ZNF518B: variants seen among roughly 807,000 people sequenced by gnomAD.
ZNF518B encodes zinc finger protein 518B.
Under a neutral mutation model 56.3 loss-of-function variants are expected in ZNF518B, and 23 were observed. The observed-to-expected ratio is 0.41, with a 90% CI of 0.29 to 0.58. The LOEUF (loss-of-function observed/expected upper bound fraction) is 0.58. ZNF518B is among the 20% of genes least tolerant of loss of function. The pLI, the probability that ZNF518B is intolerant of heterozygous loss-of-function variation, is 0.32. For synonymous variants in ZNF518B, 529 were observed against 465.9 expected (o/e 1.14, Z -1.74); for missense variants, 1,460 against 1,272.1 (o/e 1.15, Z -2.25).
intron 2 of ZNF518B, among the ~76,000 whole-genome samples, chr4:10,447,170 C>CA (rs1033329239): frequency 1.4e-4 from 21 of 152,330 alleles, no homozygotes; most frequent in African/African-American, 4.8e-4. Context: ...TGAATGAAAG[C>CA]AAATCAGTCC....
Position 10,444,833 on chromosome 4 carries a change from C to G in ZNF518B, c.1496G>C (p.Gly499Ala). Residue 499 changes from glycine to alanine, a missense_variant, in exon 3 of 3, where the codon GGA (glycine) becomes GCA (alanine). Gly to Ala is a moderately conservative substitution (Grantham distance 60, BLOSUM62 0). Transcript: ENST00000326756. ...VFKNSVLRSL[G>A]AASNPFPYKA... Reference sequence around the variant, plus strand: ...ATATGGAAAAGGGTTTGATGCAGCTCCAAGACTACGTAAAACACTGTTTTT... The same window carrying G: ...ATATGGAAAAGGGTTTGATGCAGCTGCAAGACTACGTAAAACACTGTTTTT... 6.2e-7 allele frequency: 1 copy of G among 1,613,994 alleles called. No individual in the cohort carries two copies. Among genetic ancestry groups the G allele is most frequent in the Non-Finnish European group, 8.5e-7 (1 of 1,179,988 alleles).
rs754864199 is a variant in ZNF518B at position 10,442,552 on chromosome 4, C to G, written c.*552G>C. On this transcript the variant is annotated 3_prime_UTR_variant, in exon 3 of 3. Transcript: ENST00000326756. ...AACTCTTTGTGCTATACGGAACACT[C>G]GGGAGTATTACAAAACCAGGGAGGG... The G allele has an allele frequency of 6.5e-6, 1 of 153,570 alleles. No individual in the cohort carries two copies. The highest frequency in any genetic ancestry group is 1.4e-5 in the Non-Finnish European group (1 of 69,020). 9.5% of individuals were successfully genotyped at this position (153,570 alleles called of 1,614,324 possible).
Position 10,444,119 on chromosome 4 carries a change from C to A in ZNF518B, c.2210G>T (p.Arg737Ile), listed in dbSNP as rs535739193. 6.8e-6 allele frequency: 11 copies of A among 1,614,230 alleles called. No individual in the cohort carries two copies. The highest frequency in any genetic ancestry group is 9.3e-6 in the Non-Finnish European group (11 of 1,180,048). The change falls in exon 3 of 3, where the codon AGA becomes ATA. Residue 737 changes from arginine to isoleucine, a missense_variant. Coordinates refer to ENST00000326756, the MANE Select transcript of ZNF518B (RefSeq NM_053042.3). ...PPNDGGITGNRQLTHQQIYPH... is the reference protein window; with the variant it reads ...PPNDGGITGNIQLTHQQIYPH... ...ATATATTTGTTGATGAGTAAGCTGT[C>A]TATTACCAGTAATACCACCATCATT...
At chr4:10,448,257 A>T (rs1173817314) in intron 2 of ZNF518B, among the ~76,000 whole-genome samples, 3 of 152,026 alleles carry the variant, frequency 2.0e-5, no homozygotes, top group African/African-American at 7.3e-5. Context: ...AGAGGGACTC[A>T]GTCAGTGTTT....
At position 10,443,075 on chromosome 4, in the gene ZNF518B, A is replaced by G. The variant is rs776598481; in HGVS notation, c.*29T>C. 18 of 1,577,282 alleles carry G rather than the reference A, an allele frequency of 1.1e-5. No homozygotes were observed. The African/African-American group carries it at 2.0e-4, about 18-fold the overall frequency. Reference sequence around the variant, plus strand: ...ACTCCAAACCAGAATAAACTAAAAGATAACTTGCTTTAAAGAGTAACTGTT... The same window carrying G: ...ACTCCAAACCAGAATAAACTAAAAGGTAACTTGCTTTAAAGAGTAACTGTT... On this transcript the variant is annotated 3_prime_UTR_variant, in exon 3 of 3. Transcript: ENST00000326756.
chr4:10,444,365 G>A lies in ZNF518B; in HGVS notation c.1964C>T (p.Ser655Leu), dbSNP rs778785831. ...NVPEGIKWNS[S>L]TSKIKSIELL... ...TTCAATTGACTTTATTTTAGACGTTGAGCTATTCCACTTAATGCCCTCGGG... is the reference window on the plus strand; with the variant it reads ...TTCAATTGACTTTATTTTAGACGTTAAGCTATTCCACTTAATGCCCTCGGG... Residue 655 changes from serine (S) to leucine (L), a missense_variant, in exon 3 of 3, where the codon TCA becomes TTA. Coordinates refer to ENST00000326756, the MANE Select transcript of ZNF518B (RefSeq NM_053042.3). 1.9e-6 allele frequency: 3 copies of A among 1,614,160 alleles called. No homozygotes were observed. In the Admixed American group the frequency reaches 5.0e-5, roughly 27 times the overall value.
Position 10,442,937 on chromosome 4 carries a change from A to C in ZNF518B, c.*167T>G. 3 of 614,804 alleles carry C rather than the reference A, an allele frequency of 4.9e-6. No homozygotes were observed. Among genetic ancestry groups the C allele is most frequent in the Non-Finnish European group, 8.2e-6 (3 of 365,294 alleles). 38.1% of individuals were successfully genotyped at this position (614,804 alleles called of 1,614,324 possible). On this transcript the variant is annotated 3_prime_UTR_variant, in exon 3 of 3. Transcript: ENST00000326756. ...GCCTTCAAATACATTCTGGGGTCCAATCACATACTTCAGGTTCAGACTCCT... is the reference window on the plus strand; with the variant it reads ...GCCTTCAAATACATTCTGGGGTCCACTCACATACTTCAGGTTCAGACTCCT...
rs186195624 is a variant in ZNF518B at position 10,440,032 on chromosome 4, T to C, written c.*3072A>G. 3 of 152,788 alleles carry C rather than the reference T, an allele frequency of 2.0e-5. No homozygotes were observed. Among genetic ancestry groups the C allele is most frequent in the Admixed American group, 1.3e-4 (2 of 15,300 alleles). 9.5% of individuals were successfully genotyped at this position (152,788 alleles called of 1,614,324 possible). On this transcript the variant is annotated 3_prime_UTR_variant, in exon 3 of 3. Coordinates refer to ENST00000326756, the MANE Select transcript of ZNF518B (RefSeq NM_053042.3). ...ATGCTTAAAACATGTTACACAATGT[T>C]TTGTTTCTGCTCATATAGACATTTA...
Position 10,443,999 on chromosome 4 carries a change from A to C in ZNF518B, c.2330T>G (p.Val777Gly). The change falls in exon 3 of 3, where the codon GTG becomes GGG. Residue 777 changes from valine to glycine, a missense_variant. Coordinates refer to ENST00000326756, the MANE Select transcript of ZNF518B (RefSeq NM_053042.3). The stretch of plus-strand genomic sequence containing the variant: ...CTCAGAGGAATTAAGAACCCTCAAC[A>C]CAGCCCCTTTGGGGATTAACACTGG... ...ATPVLIPKGA[V>G]LRVLNSSENA... 6.2e-7 allele frequency: 1 copy of C among 1,614,190 alleles called. No individual in the cohort carries two copies. The highest frequency in any genetic ancestry group is 8.5e-7 in the Non-Finnish European group (1 of 1,180,034).
At position 10,443,762 on chromosome 4, in the gene ZNF518B, G is replaced by A. The variant is rs956615757; in HGVS notation, c.2567C>T (p.Thr856Ile). The A allele has an allele frequency of 1.2e-6, 2 of 1,614,164 alleles. No individual in the cohort carries two copies. The highest frequency in any genetic ancestry group is 1.7e-5 in the Admixed American group (1 of 60,012). The change falls in exon 3 of 3, where the codon ACC (threonine) becomes ATC (isoleucine). Residue 856 changes from threonine (T) to isoleucine (I), a missense_variant. Coordinates refer to ENST00000326756, the MANE Select transcript of ZNF518B (RefSeq NM_053042.3). ...CAAGAGGCCAGTTTTTCTATGGATG[G>A]TGCTACAGACAGCACTCTCTTTTCT... ...KLRKESAVCS[T>I]IHRKTGLLYG...
upstream of ZNF518B, among the ~76,000 whole-genome samples, chr4:10,460,135 C>T (rs1715696666): frequency 6.6e-6 from 1 of 151,392 alleles, no homozygotes. Flanking sequence ...TGAAGCCCCG[C>T]CTCTACTAAA....
chr4:10,450,598 C>T (rs1465362477), intron 2 of ZNF518B, among the ~76,000 whole-genome samples: 1 of 152,168 alleles, frequency 6.6e-6, no homozygotes, highest in Admixed American at 6.5e-5. Context: ...CACACAACGT[C>T]CTCCATGGTT....
chr4:10,447,972 T>C (rs1715144280), intron 2 of ZNF518B, among the ~76,000 whole-genome samples: 1 of 152,174 alleles, frequency 6.6e-6, no homozygotes, highest in South Asian at 2.1e-4. Flanking sequence ...TATACAATCT[T>C]TAAAGACACT....
At position 10,444,326 on chromosome 4, in the gene ZNF518B, T is replaced by G. The variant is rs771174863; in HGVS notation, c.2003A>C (p.Lys668Thr). The G allele has an allele frequency of 6.2e-7, 1 of 1,614,202 alleles. No homozygotes were observed. Among genetic ancestry groups the G allele is most frequent in the Non-Finnish European group, 8.5e-7 (1 of 1,180,028 alleles). Residue 668 changes from lysine to threonine, a missense_variant, in exon 3 of 3, where the codon AAG (lysine) becomes ACG (threonine). Transcript: ENST00000326756. The stretch of plus-strand genomic sequence containing the variant: ...ACAGGACTCAATTAACTGAGCTATC[T>G]TTCTGCGCAACAGTTCAATTGACTT... ...KIKSIELLRR[K>T]IAQLIESCGK...
Position 10,444,080 on chromosome 4 carries a change from T to C in ZNF518B, c.2249A>G (p.Asp750Gly), listed in dbSNP as rs1269793880. The C allele has an allele frequency of 5.6e-6, 9 of 1,614,116 alleles. No homozygotes were observed. The East Asian group carries it at 1.3e-4, about 24-fold the overall frequency. ...THQQIYPHFA[D>G]GSNRKTKSRV... ...GCTTTTGGTTTTCCTATTACTGCCA[T>C]CTGCAAAGTGTGGATATATTTGTTG... Residue 750 changes from aspartate (D) to glycine (G), a missense_variant, in exon 3 of 3, where the codon GAT becomes GGT. Transcript: ENST00000326756.
At chr4:10,457,148 C>T (rs1173946568) in intron 1 of ZNF518B, 169 bp downstream of exon 1, 2 of 148,850 alleles carry the variant, frequency 1.3e-5, no homozygotes, top group Non-Finnish European at 3.0e-5. Flanking sequence ...TGCCACTTGC[C>T]ACGACGCCAG....
At chr4:10,460,104 A>G (rs1216115409), upstream of ZNF518B, among the ~76,000 whole-genome samples, 1 of 151,826 alleles carries the variant, frequency 6.6e-6, no homozygotes, top group Non-Finnish European at 1.5e-5. Context: ...CAGGAGTTCA[A>G]GAACAGCCTG....
chr4:10,456,791 G>A (rs1311154127), intron 1 of ZNF518B, among the ~76,000 whole-genome samples: 2 of 152,162 alleles, frequency 1.3e-5, no homozygotes, highest in East Asian at 3.9e-4. Flanking sequence ...GAGGCCCGCA[G>A]GAGGCTTTAA....
At chr4:10,456,353 C>G (rs1715526404) in intron 1 of ZNF518B, among the ~76,000 whole-genome samples, 1 of 152,128 alleles carries the variant, frequency 6.6e-6, no homozygotes. Flanking sequence ...AACTTTCATT[C>G]TTTTGAACCC....
Sources: allele counts gnomAD v4.1 joint callset (sites outside exome capture counted in the v4.1 genomes callset), GRCh38; gene constraint gnomAD v4.1.1; transcripts MANE v1.5; gene names NCBI Gene and HGNC (gene_info 2026-07-23, HGNC 2026-07-21).